The following UBAP2 variants were observed in gnomAD, a reference collection of about 807,000 sequenced individuals.
UBAP2 encodes ubiquitin associated protein 2.
In UBAP2, 75 loss-of-function variants were observed where a neutral mutation model predicts 139.6. The observed-to-expected ratio is 0.54, with a 90% CI of 0.45 to 0.65. The LOEUF is 0.65. Ranked by LOEUF, UBAP2 falls within the 30% of genes least tolerant of loss-of-function variation. The pLI is 0.00. For missense variants in UBAP2, 1,368 were observed against 1,369.6 expected, an observed-to-expected ratio of 1.00 and a Z score of 0.02; for synonymous variants, 526 against 526.2, an observed-to-expected ratio of 1.00 and a Z score of 0.01.
chr9:33,953,331 C>T lies in UBAP2; in HGVS notation c.1010G>A (p.Gly337Glu). The T allele has an allele frequency of 6.2e-7, 1 of 1,614,088 alleles. No homozygotes were observed. The highest frequency in any genetic ancestry group is 8.5e-7 in the Non-Finnish European group (1 of 1,179,996). ...NSQHNNQMAP[G>E]TGSSTAVNSC... ...GTTGACGGCAGTGGAGCTGCCAGTC[C>T]CTGGTGCCATCTGATTGTTGTGTTG... The change falls in exon 12 of 29, where the codon GGG (glycine) becomes GAG (glutamate). Residue 337 changes from glycine (G) to glutamate (E), a missense_variant. Gly to Glu is a moderately conservative substitution (Grantham distance 98). Coordinates refer to ENST00000379238, the MANE Select transcript of UBAP2 (RefSeq NM_001370062.2).
chr9:34,008,638 A>AGTAT (rs112441301), intron 2 of UBAP2, among the ~76,000 whole-genome samples: 2 of 151,918 alleles, frequency 1.3e-5, no homozygotes, highest in East Asian at 3.9e-4. Flanking sequence ...TAAGATATAT[A>AGTAT]CTAACACTTT....
At chr9:33,946,634 C>A (rs1416110427) in intron 13 of UBAP2, among the ~76,000 whole-genome samples, 1 of 152,112 alleles carries the variant, frequency 6.6e-6, no homozygotes, top group African/African-American at 2.4e-5. Flanking sequence ...CTCAAGCAAT[C>A]CTCCTCCTTC....
chr9:33,972,814 AGGCAGT>A (rs912968099), intron 7 of UBAP2, among the ~76,000 whole-genome samples: 45 of 152,340 alleles, frequency 3.0e-4, no homozygotes, highest in African/African-American at 9.9e-4. Context: ...AATGGCTCTT[AGGCAGT>A]GCCATTTAGG....
At chr9:33,924,116 C>T (rs1188564524) in intron 23 of UBAP2, 90 bp downstream of exon 23, 51 of 1,579,924 alleles carry the variant, frequency 3.2e-5, no homozygotes, top group Non-Finnish European at 4.4e-5. Context: ...TACTAAGAGG[C>T]CTCTCTCAGC....
chr9:33,927,701 G>C (rs1823572889), intron 20 of UBAP2, 96 bp downstream of exon 20: 1 of 1,359,928 alleles, frequency 7.4e-7, no homozygotes, highest in Non-Finnish European at 9.9e-7. Flanking sequence ...CGGCGGGCCT[G>C]AGACTCTCCT....
chr9:33,976,180 A>G (rs903404781), intron 6 of UBAP2, among the ~76,000 whole-genome samples: 5 of 152,262 alleles, frequency 3.3e-5, no homozygotes, highest in Non-Finnish European at 5.9e-5. Context: ...CTTTCAGTCT[A>G]TAGCTTTTGG....
chr9:33,943,249 G>A (rs949409568), intron 15 of UBAP2, among the ~76,000 whole-genome samples, 171 bp downstream of exon 15: 8 of 152,214 alleles, frequency 5.3e-5, no homozygotes, highest in African/African-American at 1.9e-4. Flanking sequence ...CTAAGGGGCA[G>A]GGCAATGAAG....
At chr9:33,999,287 TAG>T (rs1422427613) in intron 2 of UBAP2, among the ~76,000 whole-genome samples, 1 of 148,230 alleles carries the variant, frequency 6.7e-6, no homozygotes, top group African/African-American at 2.5e-5. Context: ...CTGGGCAACA[TAG>T]AGAGACCCTG....
At chr9:33,927,658 G>A in intron 20 of UBAP2, 139 bp downstream of exon 20, 1 of 819,136 alleles carries the variant, frequency 1.2e-6, no homozygotes, top group African/African-American at 1.7e-5. Flanking sequence ...TGGGGAGATT[G>A]GGCCTCAAGG....
At position 33,944,641 on chromosome 9, in the gene UBAP2, TA is replaced by T. The variant is rs1185195768; in HGVS notation, c.1271-3del. The T allele has an allele frequency of 6.2e-7, 1 of 1,609,788 alleles. No individual in the cohort carries two copies. Among genetic ancestry groups the T allele is most frequent in the Non-Finnish European group, 8.5e-7 (1 of 1,176,872 alleles). On this transcript the variant is annotated splice_region_variant and splice_polypyrimidine_tract_variant and intron_variant, in intron 13 of 28. Transcript: ENST00000379238. Reference sequence around the variant, plus strand: ...ATGGCTCAGGTTGAGATTTGAAGTCTAAAAAAAGTAAGCAGCAATTAATGAG... The same window carrying T: ...ATGGCTCAGGTTGAGATTTGAAGTCTAAAAAAGTAAGCAGCAATTAATGAG...
intron 8 of UBAP2, among the ~76,000 whole-genome samples, chr9:33,970,627 T>C (rs763010532): frequency 2.0e-4 from 31 of 152,062 alleles, no homozygotes; most frequent in Admixed American, 7.2e-4. Context: ...ATAGATGAGG[T>C]CTTACTATGT....
rs1353014704 is a variant in UBAP2 at position 33,981,119 on chromosome 9, T to TGG, written c.520+5640_520+5641insCC. ...TATATTCTGGATATATATATATATA[T>TGG]ATATATATATATATATATTCTGGAT... On this transcript the variant is annotated intron_variant, in intron 6 of 28. Transcript: ENST00000379238. 5.1e-4 allele frequency among the ~76,000 whole-genome samples: 4 copies of TGG among 7,798 alleles called. 1 individual carries two copies. Among genetic ancestry groups the TGG allele is most frequent in the South Asian group, 0.012 (2 of 166 alleles). The allele number at this position is 7,798 out of a possible 152,430, so 5.1% of individuals were successfully genotyped here. A position where few individuals can be genotyped will look rare whatever the true frequency, so the allele number is the denominator to read the frequency against.
chr9:33,964,036 C>A (rs1199001619), intron 8 of UBAP2, among the ~76,000 whole-genome samples: 1 of 152,168 alleles, frequency 6.6e-6, no homozygotes, highest in Non-Finnish European at 1.5e-5. Context: ...TTACCAAGCT[C>A]CCTTCTCACT....
At chr9:34,030,405 C>T (rs953033645) in intron 1 of UBAP2, among the ~76,000 whole-genome samples, 9 of 151,870 alleles carry the variant, frequency 5.9e-5, no homozygotes, top group South Asian at 4.2e-4. Flanking sequence ...GCCGAGATCG[C>T]GCCACTGCAC....
chr9:33,929,873 G>A (rs1163819137), intron 19 of UBAP2, among the ~76,000 whole-genome samples: 1 of 152,034 alleles, frequency 6.6e-6, no homozygotes, highest in African/African-American at 2.4e-5. Context: ...GCCTGGTGGC[G>A]TGTGCCTGTA....
At chr9:34,013,745 T>C (rs550391109) in intron 2 of UBAP2, among the ~76,000 whole-genome samples, 4 of 151,238 alleles carry the variant, frequency 2.6e-5, no homozygotes, top group South Asian at 2.1e-4. Flanking sequence ...GGCATGGTGA[T>C]ACATGCCTGC....
chr9:33,985,474 A>C (rs939958563), intron 6 of UBAP2, among the ~76,000 whole-genome samples: 9 of 152,240 alleles, frequency 5.9e-5, no homozygotes, highest in Admixed American at 5.2e-4. Flanking sequence ...ACAGGTTGGA[A>C]TACTACTCAG....
At position 33,958,093 on chromosome 9, in the gene UBAP2, C is replaced by G. The variant is rs560362761; in HGVS notation, c.799-1947G>C. The stretch of plus-strand genomic sequence containing the variant: ...CCTCCCACCTCTACTTCCTAAGTAG[C>G]TGGGACTACAGGCACCTGCCATCAC... On this transcript the variant is annotated intron_variant, in intron 10 of 28. Coordinates refer to ENST00000379238, the MANE Select transcript of UBAP2 (RefSeq NM_001370062.2). Among the ~76,000 whole-genome samples the G allele has an allele frequency of 6.6e-5, 10 of 152,200 alleles. No homozygotes were observed. In the South Asian group the frequency reaches 2.1e-3, roughly 32 times the overall value.
At chr9:33,976,678 T>C (rs1252917341) in intron 6 of UBAP2, among the ~76,000 whole-genome samples, 1 of 152,156 alleles carries the variant, frequency 6.6e-6, no homozygotes, top group African/African-American at 2.4e-5. Flanking sequence ...ATGAAATGTA[T>C]GGTATGTAAA....
Sources: gnomAD v4.1 joint callset for allele counts (sites outside exome capture counted in the v4.1 genomes callset) on GRCh38, gnomAD v4.1.1 for gene constraint, MANE v1.5 for transcripts, NCBI Gene and HGNC (gene_info 2026-07-23, HGNC 2026-07-21) for gene names.